CTNNA2: variants seen among roughly 807,000 people sequenced by gnomAD.
CTNNA2 encodes the protein catenin alpha 2, also known as catenin alpha-2.
In CTNNA2, 42 loss-of-function variants were observed where a neutral mutation model predicts 101.0. The observed-to-expected ratio is 0.42, with a 90% CI of 0.32 to 0.54. The LOEUF is 0.54. CTNNA2 is among the 20% of genes least tolerant of loss of function. CTNNA2 has a pLI of 0.14. For synonymous variants in CTNNA2, 450 were observed against 456.4 expected, an observed-to-expected ratio of 0.99 and a Z score of 0.18; for missense variants, 871 against 1,223.1, an observed-to-expected ratio of 0.71 and a Z score of 4.29.
chr2:79,209,098 T>G (rs1485604035), intron 2 of CTNNA2, among the ~76,000 whole-genome samples: 1 of 152,156 alleles, frequency 6.6e-6, no homozygotes, highest in Non-Finnish European at 1.5e-5. Flanking sequence ...GGAAGACGGC[T>G]TGAGTCCAGG....
intron 4 of CTNNA2, among the ~76,000 whole-genome samples, chr2:79,858,650 A>G (rs1489748239): frequency 6.6e-6 from 1 of 152,066 alleles, no homozygotes; most frequent in Non-Finnish European, 1.5e-5. Flanking sequence ...CTGTAGATAT[A>G]TGGATTTTGA....
At chr2:79,286,411 T>G (rs1675584011) in intron 2 of CTNNA2, among the ~76,000 whole-genome samples, 1 of 152,156 alleles carries the variant, frequency 6.6e-6, no homozygotes, top group South Asian at 2.1e-4. Flanking sequence ...CTTTCCATGT[T>G]TAGTGCTTCC....
chr2:80,545,000 T>A lies in CTNNA2; in HGVS notation c.1309T>A (p.Ser437Thr), dbSNP rs1375885251. 4 of 1,613,926 alleles carry A rather than the reference T, an allele frequency of 2.5e-6. No homozygotes were observed. Among genetic ancestry groups the A allele is most frequent in the Non-Finnish European group, 3.4e-6 (4 of 1,179,952 alleles). Residue 437 changes from serine (S) to threonine (T), a missense_variant, in exon 10 of 19, where the codon TCC becomes ACC. This residue lies in a region of CTNNA2 where 647 missense variants were observed against 831.5 expected (regional missense o/e 0.78). Transcript: ENST00000402739. ...AATACAGGTTGCCAATTTGGCCTGTTCCATCTCCAACAATGAAGAAGGGGT... is the reference window on the plus strand; with the variant it reads ...AATACAGGTTGCCAATTTGGCCTGTACCATCTCCAACAATGAAGAAGGGGT... ...KLVEVANLAC[S>T]ISNNEEGVKL...
intron 9 of CTNNA2, among the ~76,000 whole-genome samples, chr2:80,496,590 A>G (rs942197772): frequency 4.6e-5 from 7 of 151,774 alleles, no homozygotes; most frequent in African/African-American, 1.7e-4. Flanking sequence ...GGATAAAACC[A>G]TTTTTCTGGT....
chr2:80,428,880 A>G (rs563634553), intron 9 of CTNNA2, among the ~76,000 whole-genome samples: 12 of 152,250 alleles, frequency 7.9e-5, no homozygotes, highest in Admixed American at 5.9e-4. Flanking sequence ...TTGGACCTCC[A>G]TGCATTTTTT....
chr2:79,602,428 G>T (rs1677608719), intron 1 of CTNNA2, among the ~76,000 whole-genome samples: 1 of 151,928 alleles, frequency 6.6e-6, no homozygotes, highest in Admixed American at 6.6e-5. Context: ...AGTTATAAAG[G>T]CAAGGAATCT....
chr2:79,824,404 G>T (rs1319426376), intron 3 of CTNNA2, among the ~76,000 whole-genome samples: 1 of 152,100 alleles, frequency 6.6e-6, no homozygotes, highest in Non-Finnish European at 1.5e-5. Flanking sequence ...GGGTCATAGG[G>T]TGTTTTTCAA....
intron 1 of CTNNA2, among the ~76,000 whole-genome samples, chr2:79,535,224 C>T (rs1231696506): frequency 6.7e-6 from 1 of 148,690 alleles, no homozygotes; most frequent in South Asian, 2.1e-4. Context: ...ATATTTTGCT[C>T]TTTTTTTTTT....
At chr2:80,268,697 G>A (rs1673209284) in intron 7 of CTNNA2, among the ~76,000 whole-genome samples, 1 of 152,146 alleles carries the variant, frequency 6.6e-6, no homozygotes, top group African/African-American at 2.4e-5. Flanking sequence ...ATTTAGTTCA[G>A]TCCTATTAGG....
intron 4 of CTNNA2, among the ~76,000 whole-genome samples, chr2:79,377,765 T>TTA (rs2104460423): frequency 6.6e-6 from 1 of 152,292 alleles, no homozygotes; most frequent in Admixed American, 6.5e-5. Flanking sequence ...TTTTCTCTAT[T>TTA]GTCTGCCATA....
intron 7 of CTNNA2, among the ~76,000 whole-genome samples, chr2:80,308,711 C>T (rs569401679): frequency 1.1e-4 from 17 of 152,096 alleles, no homozygotes; most frequent in African/African-American, 3.9e-4. Context: ...AACTAACTGC[C>T]ATGCTCTATG....
chr2:79,668,461 A>T (rs2104569212), intron 2 of CTNNA2, among the ~76,000 whole-genome samples: 1 of 152,226 alleles, frequency 6.6e-6, no homozygotes, highest in Middle Eastern at 3.4e-3. Context: ...GCATTTATAC[A>T]TCTACATCAG....
In CTNNA2 at chr2:80,106,989, A is replaced by G. The variant is rs113949013; in HGVS notation, c.1056+197192A>G. On this transcript the variant is annotated intron_variant, in intron 7 of 18. Transcript: ENST00000402739. ...TGAGCATGACATTGAGCACCAGCCT[A>G]GAAGACTCATCTTCACCTAAATTAT... 2.4e-3 allele frequency among the ~76,000 whole-genome samples: 364 copies of G among 152,308 alleles called. 1 individual carries two copies. The highest frequency in any genetic ancestry group is 4.1e-3 in the Non-Finnish European group (281 of 68,028).
At chr2:79,593,509 C>G (rs1485171035) in intron 1 of CTNNA2, among the ~76,000 whole-genome samples, 9 of 152,154 alleles carry the variant, frequency 5.9e-5, no homozygotes, top group Admixed American at 5.9e-4. Flanking sequence ...TATCTTCACT[C>G]CCATTGCTCC....
At chr2:79,660,548 G>A (rs909632644) in intron 2 of CTNNA2, among the ~76,000 whole-genome samples, 3 of 151,998 alleles carry the variant, frequency 2.0e-5, no homozygotes, top group African/African-American at 7.2e-5. Flanking sequence ...AAGTTGCTAT[G>A]TTTTTACAGT....
intron 9 of CTNNA2, among the ~76,000 whole-genome samples, chr2:80,507,548 A>G (rs1202092709): frequency 6.6e-6 from 1 of 152,208 alleles, no homozygotes; most frequent in Non-Finnish European, 1.5e-5. Flanking sequence ...AAGTGAAGGT[A>G]AAAGTGCTAA....
intron 3 of CTNNA2, among the ~76,000 whole-genome samples, chr2:79,823,778 A>G (rs761427318): frequency 1.7e-4 from 26 of 152,178 alleles, no homozygotes; most frequent in Non-Finnish European, 3.1e-4. Flanking sequence ...ACGTTAAAAA[A>G]TAAAGGTTTT....
rs553363897 is a variant in CTNNA2, at chr2:80,503,181, A to C, written c.1291-41801A>C. 5.9e-5 allele frequency among the ~76,000 whole-genome samples: 9 copies of C among 152,246 alleles called. No homozygotes were observed. The South Asian group carries it at 1.9e-3, about 32-fold the overall frequency. ...AAGCAAGACCTGTCTCAAAAAAAAA[A>C]CCATAAATAAAAATAAAAGAAAGAA... On this transcript the variant is annotated intron_variant, in intron 9 of 18. Transcript: ENST00000402739.
intron 7 of CTNNA2, among the ~76,000 whole-genome samples, chr2:79,958,546 G>A (rs554007541): frequency 6.6e-6 from 1 of 152,104 alleles, no homozygotes; most frequent in Non-Finnish European, 1.5e-5. Flanking sequence ...AAATGTTAGA[G>A]GCCTCTAAAA....
Sources: gnomAD v4.1 joint callset for allele counts (sites outside exome capture counted in the v4.1 genomes callset) on GRCh38, gnomAD v4.1.1 for gene constraint, gnomAD v4.1.1 regional missense constraint, MANE v1.5 for transcripts, NCBI Gene and HGNC (gene_info 2026-07-23, HGNC 2026-07-21) for gene names.